TMPRSS15: variants seen among roughly 807,000 people sequenced by gnomAD.
TMPRSS15 encodes transmembrane serine protease 15, also known as enteropeptidase.
TMPRSS15 carries 128 observed loss-of-function variants against 125.3 expected under a neutral mutation model. The observed-to-expected ratio is 1.02, with a 90% CI of 0.89 to 1.18. The LOEUF is 1.18. Ranked by LOEUF, TMPRSS15 falls within the 50% of genes most tolerant of loss-of-function variation. TMPRSS15 has a pLI of 0.00. For synonymous variants in TMPRSS15, 446 were observed against 423.2 expected, an observed-to-expected ratio of 1.05 and a Z score of -0.66; for missense variants, 1,283 against 1,212.7, an observed-to-expected ratio of 1.06 and a Z score of -0.86.
chr21:18,384,117 A>C (rs988471347), intron 3 of TMPRSS15, among the ~76,000 whole-genome samples: 6 of 152,036 alleles, frequency 3.9e-5, no homozygotes, highest in Non-Finnish European at 8.8e-5. Flanking sequence ...ACTTACTCTG[A>C]TTTTACTGTT....
chr21:18,469,484 A>G (rs898264284), intron 1 of TMPRSS15, among the ~76,000 whole-genome samples: 2 of 152,174 alleles, frequency 1.3e-5, no homozygotes, highest in African/African-American at 4.8e-5. Context: ...TTAGCTTTTG[A>G]AAATGATTGG....
chr21:18,290,799 A>T (rs1601281344), intron 21 of TMPRSS15, among the ~76,000 whole-genome samples: 1 of 151,106 alleles, frequency 6.6e-6, no homozygotes, highest in African/African-American at 2.4e-5. Context: ...AGTACTTAAG[A>T]GTATAAAAAT....
chr21:18,420,107 C>T (rs1206678577), intron 1 of TMPRSS15, among the ~76,000 whole-genome samples: 1 of 152,182 alleles, frequency 6.6e-6, no homozygotes, highest in Non-Finnish European at 1.5e-5. Flanking sequence ...GTAATTTCCT[C>T]AGCACTAGAC....
At chr21:18,311,469 C>T (rs1215674251) in intron 18 of TMPRSS15, among the ~76,000 whole-genome samples, 1 of 151,994 alleles carries the variant, frequency 6.6e-6, no homozygotes, top group Non-Finnish European at 1.5e-5. Context: ...ATACAAATAG[C>T]CAACAGAATA....
At chr21:18,373,153 T>G (rs543591454) in intron 5 of TMPRSS15, among the ~76,000 whole-genome samples, 19 of 152,310 alleles carry the variant, frequency 1.2e-4, no homozygotes, top group Non-Finnish European at 2.5e-4. Context: ...TATTGCCATC[T>G]GCTGGGTTTT....
intron 13 of TMPRSS15, among the ~76,000 whole-genome samples, chr21:18,337,342 T>A (rs1442741053): frequency 6.6e-6 from 1 of 152,202 alleles, no homozygotes; most frequent in Non-Finnish European, 1.5e-5. Context: ...TTTAATTAGT[T>A]TTAAAAGCCC....
intron 21 of TMPRSS15, among the ~76,000 whole-genome samples, chr21:18,284,586 A>G (rs2074740195): frequency 6.6e-6 from 1 of 152,206 alleles, no homozygotes; most frequent in South Asian, 2.1e-4. Flanking sequence ...TGTTTTTAAA[A>G]TCTGGTCTCA....
intron 18 of TMPRSS15, among the ~76,000 whole-genome samples, chr21:18,311,035 T>G (rs1040819137): frequency 1.3e-5 from 2 of 150,610 alleles, no homozygotes; most frequent in Non-Finnish European, 2.9e-5. Flanking sequence ...GATAACTATA[T>G]GAAGTATGAA....
intron 13 of TMPRSS15, among the ~76,000 whole-genome samples, chr21:18,338,758 G>C (rs995759541): frequency 6.9e-6 from 1 of 144,342 alleles, no homozygotes; most frequent in Non-Finnish European, 1.5e-5. Context: ...GAGAGGCTTA[G>C]TCTGTCTCTA....
intron 8 of TMPRSS15, among the ~76,000 whole-genome samples, 195 bp downstream of exon 8, chr21:18,359,562 C>T (rs892583083): frequency 2.6e-5 from 4 of 151,672 alleles, no homozygotes; most frequent in Non-Finnish European, 5.9e-5. Context: ...AATGTTAAAA[C>T]GTAACTGCTT....
chr21:18,283,424 T>G (rs1235547219), intron 21 of TMPRSS15, among the ~76,000 whole-genome samples: 2 of 152,078 alleles, frequency 1.3e-5, no homozygotes, highest in Non-Finnish European at 2.9e-5. Context: ...AAATTAATCT[T>G]ACAATTACTA....
chr21:18,443,815 C>A (rs894279317), intron 1 of TMPRSS15, among the ~76,000 whole-genome samples: 1 of 152,214 alleles, frequency 6.6e-6, no homozygotes, highest in African/African-American at 2.4e-5. Context: ...GACAAGCAGG[C>A]AATGCTTTCT....
At chr21:18,314,576 C>T (rs766306501) in intron 17 of TMPRSS15, among the ~76,000 whole-genome samples, 14 of 152,276 alleles carry the variant, frequency 9.2e-5, no homozygotes, top group Admixed American at 2.0e-4. Context: ...CTGCGCCTGA[C>T]CAGCTATACC....
chr21:18,374,467 G>C (rs1374928764), intron 5 of TMPRSS15, among the ~76,000 whole-genome samples: 4 of 107,860 alleles, frequency 3.7e-5, no homozygotes, highest in Non-Finnish European at 6.9e-5. Flanking sequence ...GCGACAGAGC[G>C]AGACTCCGTC....
chr21:18,370,952 G>T (rs904453648), intron 6 of TMPRSS15, among the ~76,000 whole-genome samples: 1 of 152,050 alleles, frequency 6.6e-6, no homozygotes. Context: ...AACACACTTT[G>T]GGCACTAACT....
intron 21 of TMPRSS15, among the ~76,000 whole-genome samples, chr21:18,282,680 T>C (rs1009077035): frequency 2.0e-5 from 3 of 152,188 alleles, no homozygotes; most frequent in Admixed American, 6.5e-5. Flanking sequence ...AAAATACTAC[T>C]TGGTGCCAAG....
chr21:18,311,550 C>T (rs2075101306), intron 18 of TMPRSS15, among the ~76,000 whole-genome samples: 1 of 151,962 alleles, frequency 6.6e-6, no homozygotes, highest in Non-Finnish European at 1.5e-5. Flanking sequence ...ATCTCTCACC[C>T]CTGTTATAAT....
rs59972471 is a variant in TMPRSS15 at position 18,278,924 on chromosome 21, G to GTTTTTTTTTTT, written c.2764+29_2764+39dup. The GTTTTTTTTTTT allele has an allele frequency of 1.7e-4, 73 of 440,174 alleles. 1 individual carries two copies. Among genetic ancestry groups the GTTTTTTTTTTT allele is most frequent in the East Asian group, 5.6e-4 (9 of 16,182 alleles). 27.3% of individuals were successfully genotyped at this position (440,174 alleles called of 1,614,324 possible). ...TGACAGTCTGTTTTTCACCAGTAAG[G>GTTTTTTTTTTT]TTTTTTTTTTTTTTTTTTTTTTTGA... On this transcript the variant is annotated intron_variant, in intron 23 of 24. Coordinates refer to ENST00000284885, the MANE Select transcript of TMPRSS15 (RefSeq NM_002772.3).
intron 3 of TMPRSS15, among the ~76,000 whole-genome samples, chr21:18,394,561 CTCTT>C (rs1362282672): frequency 6.6e-6 from 1 of 151,984 alleles, no homozygotes; most frequent in African/African-American, 2.4e-5. Context: ...CTGTCTCTCT[CTCTT>C]TCTCTCACAT....
Sources: allele counts gnomAD v4.1 joint callset (sites outside exome capture counted in the v4.1 genomes callset), GRCh38; gene constraint gnomAD v4.1.1; transcripts MANE v1.5; gene names NCBI Gene and HGNC (gene_info 2026-07-23, HGNC 2026-07-21).